Variants in ZNF316 observed in about 807,000 individuals in gnomAD.
The protein encoded by ZNF316 is zinc finger protein 316.
ZNF316 carries 23 observed loss-of-function variants against 75.6 expected under a neutral mutation model. The observed-to-expected ratio is 0.30, with a 90% CI of 0.22 to 0.43. ZNF316 has a LOEUF of 0.43. ZNF316 is among the 20% of genes least tolerant of loss of function. The pLI is 1.00. For missense variants in ZNF316, 1,266 were observed against 1,409.4 expected, an observed-to-expected ratio of 0.90 and a Z score of 1.63; for synonymous variants, 827 against 666.2, an observed-to-expected ratio of 1.24 and a Z score of -3.72.
At position 6,656,519 on chromosome 7, in the gene ZNF316, AC is replaced by A. The variant is rs1352211504; in HGVS notation, c.*1909del. 1 of 152,234 alleles carries A rather than the reference AC, an allele frequency of 6.6e-6. No individual in the cohort carries two copies. The highest frequency in any genetic ancestry group is 1.5e-5 in the Non-Finnish European group (1 of 68,046). 9.4% of individuals were successfully genotyped at this position (152,234 alleles called of 1,614,324 possible). The stretch of plus-strand genomic sequence containing the variant: ...CCTCAGGTCCAACTTGTTTCTGCAA[AC>A]ATTTTTTAAAAGATTTTCTCTTTTA... On this transcript the variant is annotated 3_prime_UTR_variant, in exon 9 of 9. Coordinates refer to ENST00000382252, the MANE Select transcript of ZNF316 (RefSeq NM_001278559.2).
At position 6,653,897 on chromosome 7, in the gene ZNF316, C is replaced by T. The variant is rs1779567440; in HGVS notation, c.2301C>T (p.Arg767=). 6 of 1,115,302 alleles carry T rather than the reference C, an allele frequency of 5.4e-6. No individual in the cohort carries two copies. Among genetic ancestry groups the T allele is most frequent in the South Asian group, 4.3e-5 (1 of 23,284 alleles). The allele number at this position is 1,115,302 out of a possible 1,614,324, so 69.1% of individuals were successfully genotyped here. ...ARGSHLAAHV[R]GHTGEKPFVC... is the part of the protein sequence containing the mutation. ...GCTCGCACTTGGCGGCGCACGTGCG[C>T]GGCCACACGGGCGAGAAGCCGTTCG... Residue 767 remains arginine, a synonymous_variant, in exon 9 of 9, where the codon CGC becomes CGT. Coordinates refer to ENST00000382252, the MANE Select transcript of ZNF316 (RefSeq NM_001278559.2).
Position 6,656,762 on chromosome 7 carries a change from A to G in ZNF316, c.*2151A>G, listed in dbSNP as rs1363615075. On this transcript the variant is annotated 3_prime_UTR_variant, in exon 9 of 9. Transcript: ENST00000382252. ...GGCCAGGTACCCTTCGTGGTGGTCC[A>G]AACACATCCCCAGCCCTTTCTTCAG... Among the ~76,000 whole-genome samples the G allele has an allele frequency of 6.6e-6, 1 of 152,170 alleles. No individual in the cohort carries two copies. Among genetic ancestry groups the G allele is most frequent in the Non-Finnish European group, 1.5e-5 (1 of 68,024 alleles).
chr7:6,642,921 T>A lies in ZNF316; in HGVS notation c.356-43T>A. 8.1e-7 allele frequency: 1 copy of A among 1,232,112 alleles called. No homozygotes were observed. The highest frequency in any genetic ancestry group is 4.1e-5 in the South Asian group (1 of 24,274). The allele number at this position is 1,232,112 out of a possible 1,614,324, so 76.3% of individuals were successfully genotyped here. A position where few individuals can be genotyped will look rare whatever the true frequency, so the allele number is the denominator to read the frequency against. On this transcript the variant is annotated intron_variant, in intron 5 of 8. Transcript: ENST00000382252. This position sits in a 1 kb window ranked among gnomAD's most constrained non-coding sequence, Gnocchi z 8.1. ...TGCCAGGGCTCCTGGCCCTGCAGGC[T>A]GGGGGCTCAGGGCAGCTGGCCCTAA...
rs567884459 is a variant in ZNF316, at chr7:6,649,915, A to G, written c.707-2388A>G. 8.5e-5 allele frequency among the ~76,000 whole-genome samples: 13 copies of G among 152,182 alleles called. No individual in the cohort carries two copies. The East Asian group carries it at 2.3e-3, about 27-fold the overall frequency. ...TCCCTGCTGCGATCAGGATCAAGGG[A>G]GAGGTGATGGGAGGAGCCTCCCAGC... On this transcript the variant is annotated intron_variant, in intron 8 of 8. Coordinates refer to ENST00000382252, the MANE Select transcript of ZNF316 (RefSeq NM_001278559.2).
At position 6,652,979 on chromosome 7, in the gene ZNF316, C is replaced by G. The variant is rs1179249046; in HGVS notation, c.1383C>G (p.His461Gln). 1 of 1,234,558 alleles carries G rather than the reference C, an allele frequency of 8.1e-7. No individual in the cohort carries two copies. The highest frequency in any genetic ancestry group is 3.2e-5 in the East Asian group (1 of 31,506). The allele number at this position is 1,234,558 out of a possible 1,614,324, so 76.5% of individuals were successfully genotyped here. The change falls in exon 9 of 9, where the codon CAC becomes CAG. Residue 461 changes from histidine to glutamine, a missense_variant. Physicochemically the swap from His to Gln is conservative, Grantham distance 24. Coordinates refer to ENST00000382252, the MANE Select transcript of ZNF316 (RefSeq NM_001278559.2). ...GCGAGCGACCCTACCCGTGTTCGCA[C>G]TGCGGCCGCAGCTTCAGCCAGAGCT... Reference protein sequence around the residue: ...HTGERPYPCSHCGRSFSQSSA... With the variant: ...HTGERPYPCSQCGRSFSQSSA...
rs888295473 is a variant in ZNF316 at position 6,640,006 on chromosome 7, T to G, written c.-167+865T>G. Among the ~76,000 whole-genome samples the G allele has an allele frequency of 3.3e-5, 5 of 152,118 alleles. No homozygotes were observed. Among genetic ancestry groups the G allele is most frequent in the African/African-American group, 1.2e-4 (5 of 41,418 alleles). On this transcript the variant is annotated intron_variant, in intron 3 of 8. Transcript: ENST00000382252. The surrounding 1 kb of genome is among the most constrained non-coding windows in gnomAD (Gnocchi z 5.1). Reference sequence around the variant, plus strand: ...ACTTGAGTCTTTGGGGGTTAGTGATTCTGAAACTAGAAAGGGGGCTGGAGC... The same window carrying G: ...ACTTGAGTCTTTGGGGGTTAGTGATGCTGAAACTAGAAAGGGGGCTGGAGC...
At chr7:6,651,867 G>T (rs1400028066) in intron 8 of ZNF316, among the ~76,000 whole-genome samples, 1 of 152,236 alleles carries the variant, frequency 6.6e-6, no homozygotes, top group African/African-American at 2.4e-5. Context: ...GAGTTCTCCA[G>T]GAGCTTTGGG....
In ZNF316 at chr7:6,654,075, G is replaced by C; in HGVS notation, c.2479G>C (p.Glu827Gln). The C allele has an allele frequency of 8.2e-7, 1 of 1,213,344 alleles. No individual in the cohort carries two copies. The highest frequency in any genetic ancestry group is 1.0e-6 in the Non-Finnish European group (1 of 975,810). The allele number at this position is 1,213,344 out of a possible 1,614,324, so 75.2% of individuals were successfully genotyped here. A position where few individuals can be genotyped will look rare whatever the true frequency, so the allele number is the denominator to read the frequency against. ...GACGCGGCATCAGTGGGCGCACGCC[G>C]AGGAGAAGCCGCACCGCTGCCCCGA... ...ALTRHQWAHA[E>Q]EKPHRCPDCG... Residue 827 changes from glutamate to glutamine, a missense_variant, in exon 9 of 9, where the codon GAG becomes CAG. Coordinates refer to ENST00000382252, the MANE Select transcript of ZNF316 (RefSeq NM_001278559.2).
chr7:6,645,517 C>T (rs1448739464), intron 8 of ZNF316, among the ~76,000 whole-genome samples: 1 of 150,930 alleles, frequency 6.6e-6, no homozygotes, highest in Non-Finnish European at 1.5e-5. Context: ...AACCCCATCA[C>T]TACTAAAAAT....
intron 8 of ZNF316, 75 bp downstream of exon 8, chr7:6,644,668 GCT>G: frequency 1.3e-6 from 1 of 772,154 alleles, no homozygotes; most frequent in Non-Finnish European, 1.8e-6. Context: ...CCTTCACTGC[GCT>G]CTCTGCAGAC....
Position 6,653,102 on chromosome 7 carries a change from C to G in ZNF316, c.1506C>G (p.Arg502=), listed in dbSNP as rs1779541645. ...TCCGCCTGCGCGCCGACTTCCAGCG[C>G]CACCGACGCGGCGGGGGCTGCGCGG... ...QAFRLRADFQ[R]HRRGGGCAEA... Residue 502 remains arginine (R), a synonymous_variant, in exon 9 of 9, where the codon CGC becomes CGG. Transcript: ENST00000382252. The G allele has an allele frequency of 8.5e-7, 1 of 1,178,698 alleles. No individual in the cohort carries two copies. Among genetic ancestry groups the G allele is most frequent in the Non-Finnish European group, 1.0e-6 (1 of 954,810 alleles). The allele number at this position is 1,178,698 out of a possible 1,614,324, so 73.0% of individuals were successfully genotyped here.
rs747030417 is a variant in ZNF316 at position 6,639,425 on chromosome 7, G to A, written c.-167+284G>A. ...CTCATAAGTGTATTTTTAAGATGTG[G>A]TGAGTGCTGTGAGGGAAGAATTACA... On this transcript the variant is annotated intron_variant, in intron 3 of 8. Coordinates refer to ENST00000382252, the MANE Select transcript of ZNF316 (RefSeq NM_001278559.2). The surrounding 1 kb of genome is among the most constrained non-coding windows in gnomAD (Gnocchi z 4.2). Among the ~76,000 whole-genome samples, 17 of 152,156 alleles carry A rather than the reference G, an allele frequency of 1.1e-4. No individual in the cohort carries two copies. The highest frequency in any genetic ancestry group is 1.5e-4 in the Non-Finnish European group (10 of 68,042).
chr7:6,648,843 A>G (rs1779455426), intron 8 of ZNF316, among the ~76,000 whole-genome samples: 1 of 151,944 alleles, frequency 6.6e-6, no homozygotes, highest in Admixed American at 6.6e-5. Flanking sequence ...GTGAGCCTTG[A>G]GGGACATCTC....
intron 8 of ZNF316, among the ~76,000 whole-genome samples, chr7:6,650,377 C>T (rs778265814): frequency 1.3e-5 from 2 of 152,186 alleles, no homozygotes; most frequent in Admixed American, 6.5e-5. Context: ...TTCAAGCTTA[C>T]GTTTACTATG....
chr7:6,652,142 T>C (rs1291401109), intron 8 of ZNF316, among the ~76,000 whole-genome samples, 161 bp from the exon 9 acceptor site: 1 of 152,134 alleles, frequency 6.6e-6, no homozygotes, highest in Non-Finnish European at 1.5e-5. Flanking sequence ...CAGTGGGACA[T>C]GGGCAACCGC....
rs114405059 is a variant in ZNF316, at chr7:6,639,808, C to T, written c.-167+667C>T. Among the ~76,000 whole-genome samples the T allele has an allele frequency of 0.01, 1,526 of 152,308 alleles. 27 individuals are homozygous for T. Among genetic ancestry groups the T allele is most frequent in the African/African-American group, 0.036 (1,488 of 41,548 alleles). ...GGAAACCGTTGCTGCGTGTACCCAG[C>T]GCCCTGAGTGCTGGGCAGGGCCGTG... On this transcript the variant is annotated intron_variant, in intron 3 of 8. Coordinates refer to ENST00000382252, the MANE Select transcript of ZNF316 (RefSeq NM_001278559.2). The surrounding 1 kb of genome is among the most constrained non-coding windows in gnomAD (Gnocchi z 4.2).
In ZNF316 at chr7:6,637,507, G is replaced by T; in HGVS notation, c.-431+60G>T. 1 of 146,804 alleles carries T rather than the reference G, an allele frequency of 6.8e-6. No individual in the cohort carries two copies. Among genetic ancestry groups the T allele is most frequent in the South Asian group, 1.8e-4 (1 of 5,550 alleles). 9.1% of individuals were successfully genotyped at this position (146,804 alleles called of 1,614,324 possible). On this transcript the variant is annotated intron_variant, in intron 1 of 8. Coordinates refer to ENST00000382252, the MANE Select transcript of ZNF316 (RefSeq NM_001278559.2). The surrounding 1 kb of genome is among the most constrained non-coding windows in gnomAD (Gnocchi z 6.2). ...GCGGGCGGCAGGTGCGGGCGGGCCG[G>T]GCTTGCGCTCGGGGGCGGCGGCGGC...
chr7:6,653,849 G>T lies in ZNF316; in HGVS notation c.2253G>T (p.Glu751Asp). 9.2e-7 allele frequency: 1 copy of T among 1,081,738 alleles called. No individual in the cohort carries two copies. The allele number at this position is 1,081,738 out of a possible 1,614,324, so 67.0% of individuals were successfully genotyped here. ...GCGAGCGGCCCTTCCCGTGCCCCGA[G>T]TGCGGCGCGCGGTTCGCCCGCGGCT... ...HTGERPFPCP[E>D]CGARFARGSH... Residue 751 changes from glutamate (E) to aspartate (D), a missense_variant, in exon 9 of 9, where the codon GAG (glutamate) becomes GAT (aspartate). By Grantham distance (45) the Glu-to-Asp change is conservative (BLOSUM62 2). Around this residue, in one of 3 missense-constraint regions of ZNF316, gnomAD observed 194 missense variants for 319.2 expected, o/e 0.61. Transcript: ENST00000382252.
At chr7:6,644,616 G>A (rs943727173) in intron 8 of ZNF316, 23 bp downstream of exon 8, 50 of 1,205,442 alleles carry the variant, frequency 4.1e-5, no homozygotes, top group Non-Finnish European at 5.0e-5. Context: ...GGAATTTTGC[G>A]GTTTGTGCCG....
Sources: gnomAD v4.1 joint callset for allele counts (sites outside exome capture counted in the v4.1 genomes callset) on GRCh38, gnomAD v4.1.1 for gene constraint, gnomAD v4.1.1 regional missense constraint, Gnocchi (gnomAD v3.1) non-coding constraint, MANE v1.5 for transcripts, NCBI Gene and HGNC (gene_info 2026-07-23, HGNC 2026-07-21) for gene names.